The following PID1 variants were observed in gnomAD, a reference collection of about 807,000 sequenced individuals.
The protein encoded by PID1 is phosphotyrosine interaction domain containing 1.
Under a neutral mutation model 19.1 loss-of-function variants are expected in PID1, and 10 were observed. That is an observed-to-expected ratio of 0.52 (90% confidence interval 0.32 to 0.89). The LOEUF (loss-of-function observed/expected upper bound fraction) is 0.89. Ranked by LOEUF, PID1 falls within the 40% of genes least tolerant of loss-of-function variation. PID1 has a pLI of 0.03. For synonymous variants in PID1, 130 were observed against 116.0 expected (o/e 1.12, Z -0.78); for missense variants, 248 against 285.3 (o/e 0.87, Z 0.94).
At chr2:229,085,977 T>C (rs895974372) in intron 2 of PID1, among the ~76,000 whole-genome samples, 1 of 152,160 alleles carries the variant, frequency 6.6e-6, no homozygotes, top group Admixed American at 6.6e-5. Context: ...ATAAGGCGAC[T>C]GGATTTCCTT....
At position 229,256,501 on chromosome 2, in the gene PID1, T is replaced by C. The variant is rs570463322; in HGVS notation, c.30+14513A>G. ...AAAGGAGCTAAAGCTGTCTTCTTCCTTCACTTGGAAACTCCCAGGGCACTG... is the reference window on the plus strand; with the variant it reads ...AAAGGAGCTAAAGCTGTCTTCTTCCCTCACTTGGAAACTCCCAGGGCACTG... On this transcript the variant is annotated intron_variant, in intron 1 of 2. Transcript: ENST00000392055. Among the ~76,000 whole-genome samples the C allele has an allele frequency of 2.6e-5, 4 of 152,340 alleles. No individual in the cohort carries two copies. In the South Asian group the frequency reaches 8.3e-4, roughly 32 times the overall value.
chr2:229,126,169 A>G (rs1005533121), intron 2 of PID1, among the ~76,000 whole-genome samples: 1 of 152,156 alleles, frequency 6.6e-6, no homozygotes, highest in Non-Finnish European at 1.5e-5. Flanking sequence ...AAAAACACAA[A>G]AACAAAAAAG....
Position 229,072,825 on chromosome 2 carries a change from A to AT in PID1, c.178-46718dup, listed in dbSNP as rs1694484317. Among the ~76,000 whole-genome samples the AT allele has an allele frequency of 2.6e-5, 4 of 152,336 alleles. No homozygotes were observed. The East Asian group carries it at 7.7e-4, about 29-fold the overall frequency. On this transcript the variant is annotated intron_variant, in intron 2 of 2. Transcript: ENST00000392055. ...AGGAGTTTAATCAGTGGGAAAGATC[A>AT]TAACAGGGTGCAAAAAGATCTTCTG... is the stretch of plus-strand genomic sequence containing the variant.
At chr2:229,090,664 C>A (rs926467488) in intron 2 of PID1, among the ~76,000 whole-genome samples, 1 of 152,154 alleles carries the variant, frequency 6.6e-6, no homozygotes, top group African/African-American at 2.4e-5. Context: ...TGTAACAAAT[C>A]CTAGTTGATT....
intron 2 of PID1, among the ~76,000 whole-genome samples, chr2:229,062,391 T>C (rs928316219): frequency 6.6e-6 from 1 of 152,044 alleles, no homozygotes; most frequent in Admixed American, 6.6e-5. Flanking sequence ...AAAACATTTA[T>C]TGATTTGTGT....
intron 1 of PID1, among the ~76,000 whole-genome samples, chr2:229,188,485 C>A (rs978248741): frequency 2.6e-5 from 4 of 152,114 alleles, no homozygotes; most frequent in African/African-American, 9.7e-5. Flanking sequence ...CGCCTGTAAT[C>A]CCAGCACTTT....
At chr2:229,092,896 T>G (rs542759082) in intron 2 of PID1, among the ~76,000 whole-genome samples, 32 of 152,190 alleles carry the variant, frequency 2.1e-4, no homozygotes, top group Non-Finnish European at 4.1e-4. Flanking sequence ...CAAATCATGT[T>G]TAAAGTTCTT....
intron 1 of PID1, among the ~76,000 whole-genome samples, chr2:229,207,320 G>A (rs1691630310): frequency 6.6e-6 from 1 of 151,682 alleles, no homozygotes; most frequent in Non-Finnish European, 1.5e-5. Context: ...CATAAGTATG[G>A]GACTGAACCT....
intron 1 of PID1, among the ~76,000 whole-genome samples, chr2:229,215,549 A>C (rs960420353): frequency 1.3e-5 from 2 of 152,180 alleles, no homozygotes; most frequent in Admixed American, 1.3e-4. Flanking sequence ...CCTTGACCAT[A>C]AGCAGAGCAG....
intron 2 of PID1, among the ~76,000 whole-genome samples, chr2:229,076,795 T>C (rs550123549): frequency 4.6e-5 from 7 of 152,350 alleles, no homozygotes; most frequent in African/African-American, 1.7e-4. Flanking sequence ...CAGCCTAACA[T>C]TGATGGGCAT....
intron 2 of PID1, among the ~76,000 whole-genome samples, chr2:229,125,045 G>A (rs554662667): frequency 3.9e-5 from 6 of 152,192 alleles, no homozygotes; most frequent in South Asian, 4.2e-4. Context: ...TACCAATATC[G>A]AGGTCCTATT....
chr2:229,137,424 C>A (rs1399037635), intron 2 of PID1, among the ~76,000 whole-genome samples: 1 of 152,218 alleles, frequency 6.6e-6, no homozygotes, highest in Non-Finnish European at 1.5e-5. Context: ...AAGTTAATTT[C>A]TCACAGTAAA....
At chr2:229,262,700 GT>G in intron 1 of PID1, 1 of 1,551,406 alleles carries the variant, frequency 6.4e-7, no homozygotes, top group Non-Finnish European at 8.7e-7. Context: ...GAGGCTGGAA[GT>G]CCAAAATGTA....
At chr2:229,174,657 T>C (rs1017879110) in intron 1 of PID1, among the ~76,000 whole-genome samples, 1 of 147,050 alleles carries the variant, frequency 6.8e-6, no homozygotes, top group African/African-American at 2.5e-5. Flanking sequence ...TGCTGTATGG[T>C]ACAGAGATTT....
At chr2:229,164,038 T>C (rs942662513) in intron 1 of PID1, among the ~76,000 whole-genome samples, 1 of 152,206 alleles carries the variant, frequency 6.6e-6, no homozygotes, top group Non-Finnish European at 1.5e-5. Context: ...CATTCCCTCA[T>C]GGTTAACAAT....
intron 2 of PID1, among the ~76,000 whole-genome samples, chr2:229,064,860 G>C (rs866550481): frequency 1.3e-5 from 2 of 152,204 alleles, no homozygotes; most frequent in African/African-American, 4.8e-5. Context: ...ATGCCAAAGA[G>C]AGCCCATAAA....
chr2:229,183,664 T>A (rs560036832), intron 1 of PID1, among the ~76,000 whole-genome samples: 1 of 152,158 alleles, frequency 6.6e-6, no homozygotes, highest in Admixed American at 6.5e-5. Flanking sequence ...CCATCAGCTC[T>A]TCTTGGGTTT....
At chr2:229,231,101 G>C (rs750449431) in intron 1 of PID1, among the ~76,000 whole-genome samples, 1 of 151,980 alleles carries the variant, frequency 6.6e-6, no homozygotes, top group Non-Finnish European at 1.5e-5. Context: ...AAGCCTAACC[G>C]CCCAGGGCCA....
intron 2 of PID1, among the ~76,000 whole-genome samples, chr2:229,109,875 T>G (rs1258996111): frequency 6.6e-6 from 1 of 152,194 alleles, no homozygotes. Context: ...CTATCCCATA[T>G]AACAAACCAC....
Sources: allele counts gnomAD v4.1 joint callset (sites outside exome capture counted in the v4.1 genomes callset), GRCh38; gene constraint gnomAD v4.1.1; transcripts MANE v1.5; gene names NCBI Gene and HGNC (gene_info 2026-07-23, HGNC 2026-07-21).